The following RANBP2 variants were observed in gnomAD, a reference collection of about 807,000 sequenced individuals.
RANBP2 encodes E3 SUMO-protein ligase RanBP2.
A neutral mutation model predicts 303.6 loss-of-function variants in RANBP2; 57 were observed. The observed-to-expected ratio is 0.19, with a 90% CI of 0.15 to 0.23. The LOEUF (loss-of-function observed/expected upper bound fraction) is 0.23, where lower values mean the gene tolerates loss of function less well. Ranked by LOEUF, RANBP2 falls within the 10% of genes least tolerant of loss-of-function variation. The probability of loss-of-function intolerance (pLI) is 1.00; values close to 1 mark genes in which losing one functional copy is unlikely to be tolerated. For synonymous variants in RANBP2, 1,167 were observed against 1,301.5 expected (o/e 0.90, Z 2.23); for missense variants, 3,138 against 3,780.8 (o/e 0.83, Z 4.46).
chr2:109,742,352 C>T, the RANBP2 span, among the ~76,000 whole-genome samples: 4 of 125,232 alleles, frequency 3.2e-5, no homozygotes, highest in East Asian at 4.3e-4. Flanking sequence ...ACCTGGGAGG[C>T]GGAGGTTGCA....
chr2:108,798,354 T>G, the RANBP2 span: 1 of 1,521,102 alleles, frequency 6.6e-7, no homozygotes, highest in South Asian at 1.3e-5. Flanking sequence ...TAAACCACAG[T>G]GTCAGCCAAT....
At chr2:109,323,006 C>T in the RANBP2 span, among the ~76,000 whole-genome samples, 3 of 152,186 alleles carry the variant, frequency 2.0e-5, no homozygotes, top group African/African-American at 7.2e-5. Flanking sequence ...AGCTGTGTTG[C>T]AGAGGGATTT....
chr2:109,078,100 A>ATATATATATATGACG, the RANBP2 span, among the ~76,000 whole-genome samples: 2 of 70,006 alleles, frequency 2.9e-5, no homozygotes, highest in Non-Finnish European at 5.8e-5. Flanking sequence ...ATATATATAT[A>ATATATATATATGACG]TATATATATA....
chr2:108,719,511 C>G lies in RANBP2; in HGVS notation c.-96C>G. ...TGGTCCTCCGCCGGCTACGGCGCTG[C>G]GTCACTGGTTTGCAGGCGCTTTCCT... On this transcript the variant is annotated 5_prime_UTR_variant, in exon 1 of 29. Coordinates refer to ENST00000283195, the MANE Select transcript of RANBP2 (RefSeq NM_006267.5). 1 of 1,533,478 alleles carries G rather than the reference C, an allele frequency of 6.5e-7. No homozygotes were observed. The highest frequency in any genetic ancestry group is 8.8e-7 in the Non-Finnish European group (1 of 1,136,740). The allele number at this position is 1,533,478 out of a possible 1,614,324, so 95.0% of individuals were successfully genotyped here. A position where few individuals can be genotyped will look rare whatever the true frequency, so the allele number is the denominator to read the frequency against.
At chr2:109,129,970 A>G in the RANBP2 span, 2 of 1,331,764 alleles carry the variant, frequency 1.5e-6, no homozygotes, top group African/African-American at 3.1e-5. Flanking sequence ...CCCAGGCCAG[A>G]GTGCGGCCCC....
the RANBP2 span, among the ~76,000 whole-genome samples, chr2:109,730,735 T>C: frequency 2.7e-5 from 4 of 150,618 alleles, no homozygotes; most frequent in Admixed American, 6.6e-5. Flanking sequence ...TGTCCTCACA[T>C]AGTGGAAAAG....
At chr2:109,416,481 T>C in the RANBP2 span, among the ~76,000 whole-genome samples, 1 of 152,034 alleles carries the variant, frequency 6.6e-6, no homozygotes. Context: ...GCCTCCTGGG[T>C]TCAAGCAATT....
the RANBP2 span, among the ~76,000 whole-genome samples, chr2:109,499,848 A>G: frequency 3.3e-4 from 50 of 152,322 alleles, no homozygotes; most frequent in African/African-American, 1.2e-3. Context: ...AATCGGCAAC[A>G]TAACTGACAT....
At chr2:108,935,395 C>T in the RANBP2 span, among the ~76,000 whole-genome samples, 5 of 152,176 alleles carry the variant, frequency 3.3e-5, no homozygotes, top group Non-Finnish European at 5.9e-5. Context: ...ATCTCAGCCC[C>T]GCCCAGACCT....
chr2:108,982,442 T>C, the RANBP2 span, among the ~76,000 whole-genome samples: 20 of 152,374 alleles, frequency 1.3e-4, no homozygotes, highest in South Asian at 2.1e-4. Flanking sequence ...ACTAGGGACA[T>C]TGGCGTTTGC....
intron 1 of RANBP2, among the ~76,000 whole-genome samples, chr2:108,725,243 C>T (rs1694600657): frequency 6.6e-6 from 1 of 152,280 alleles, no homozygotes; most frequent in African/African-American, 2.4e-5. Context: ...TGTGCTCCTT[C>T]CTAGCTGTGT....
the RANBP2 span, among the ~76,000 whole-genome samples, chr2:109,055,611 G>T: frequency 1.7e-4 from 26 of 150,656 alleles, no homozygotes; most frequent in African/African-American, 6.1e-4. Flanking sequence ...GTCTCGAACT[G>T]CTGACCTAGC....
the RANBP2 span, among the ~76,000 whole-genome samples, chr2:109,418,706 G>C: frequency 6.6e-6 from 1 of 152,312 alleles, no homozygotes; most frequent in East Asian, 1.9e-4. Context: ...TGGTGCCAGG[G>C]CTGGGACTTG....
chr2:109,508,530 T>G, the RANBP2 span, among the ~76,000 whole-genome samples: 2 of 151,676 alleles, frequency 1.3e-5, no homozygotes, highest in Non-Finnish European at 2.9e-5. Context: ...AAACTGGATC[T>G]AAAAGAAGTC....
intron 24 of RANBP2, among the ~76,000 whole-genome samples, chr2:108,776,399 A>G (rs1323864260): frequency 6.6e-6 from 1 of 152,144 alleles, no homozygotes; most frequent in Non-Finnish European, 1.5e-5. Flanking sequence ...TAAATTAATT[A>G]TTCAGTTACA....
the RANBP2 span, chr2:108,930,074 G>T: frequency 6.3e-7 from 1 of 1,587,124 alleles, no homozygotes; most frequent in African/African-American, 1.3e-5. Context: ...CAAGCAGGAG[G>T]CCTCCCCTGA....
the RANBP2 span, among the ~76,000 whole-genome samples, chr2:109,450,513 C>T: frequency 6.6e-6 from 1 of 152,124 alleles, no homozygotes; most frequent in Non-Finnish European, 1.5e-5. Flanking sequence ...TTTCTAGTAG[C>T]CACATTTTTA....
chr2:109,521,568 C>T, the RANBP2 span, among the ~76,000 whole-genome samples: 1 of 152,212 alleles, frequency 6.6e-6, no homozygotes, highest in Non-Finnish European at 1.5e-5. Context: ...TGCATGCTCG[C>T]GGTCCCGAGA....
chr2:109,175,666 A>G, the RANBP2 span, among the ~76,000 whole-genome samples: 2 of 152,220 alleles, frequency 1.3e-5, no homozygotes, highest in Non-Finnish European at 2.9e-5. Flanking sequence ...CAGAATCAGT[A>G]ATAGGACACA....
Sources: allele counts gnomAD v4.1 joint callset (sites outside exome capture counted in the v4.1 genomes callset), GRCh38; gene constraint gnomAD v4.1.1; transcripts MANE v1.5; gene names NCBI Gene and HGNC (gene_info 2026-07-23, HGNC 2026-07-21).